The following GLCCI1 variants were observed in gnomAD, a reference collection of about 807,000 sequenced individuals.
GLCCI1 encodes the protein glucocorticoid-induced transcript 1 protein.
A neutral mutation model predicts 52.2 loss-of-function variants in GLCCI1; 24 were observed. That is an observed-to-expected ratio of 0.46 (90% CI 0.33 to 0.65). The LOEUF (loss-of-function observed/expected upper bound fraction) is 0.65, where lower values mean the gene tolerates loss of function less well. GLCCI1 is among the 30% of genes least tolerant of loss of function. The pLI is 0.02. For synonymous variants in GLCCI1, 310 were observed against 276.5 expected (o/e 1.12, Z -1.20); for missense variants, 704 against 701.5 (o/e 1.00, Z -0.04).
chr7:8,047,864 T>A (rs1782168139), intron 3 of GLCCI1, among the ~76,000 whole-genome samples: 1 of 152,240 alleles, frequency 6.6e-6, no homozygotes, highest in Non-Finnish European at 1.5e-5. Context: ...AGTGAGTAAA[T>A]GCTTTCTTAT....
intron 2 of GLCCI1, among the ~76,000 whole-genome samples, chr7:8,011,154 A>G (rs1041484341): frequency 2.6e-5 from 4 of 152,138 alleles, no homozygotes; most frequent in African/African-American, 9.7e-5. Context: ...ATTTACCATG[A>G]GTGAAAATGA....
chr7:8,003,069 T>G (rs940957640), intron 1 of GLCCI1, among the ~76,000 whole-genome samples: 2 of 152,244 alleles, frequency 1.3e-5, no homozygotes, highest in Non-Finnish European at 2.9e-5. Context: ...CATGTTATTT[T>G]TGTATAGCTC....
intron 6 of GLCCI1, 129 bp from the exon 7 acceptor site, chr7:8,084,768 T>A: frequency 1.2e-6 from 1 of 840,878 alleles, no homozygotes. Flanking sequence ...AGAAATAGCT[T>A]TGCAATAAAG....
chr7:7,979,399 C>T (rs915656303), intron 1 of GLCCI1, among the ~76,000 whole-genome samples: 24 of 142,722 alleles, frequency 1.7e-4, no homozygotes, highest in African/African-American at 5.6e-4. Context: ...GCTATTGTCA[C>T]TGAGTTTTAG....
chr7:8,005,649 A>C (rs1325831501), intron 2 of GLCCI1, among the ~76,000 whole-genome samples: 5 of 152,200 alleles, frequency 3.3e-5, no homozygotes, highest in Non-Finnish European at 7.4e-5. Context: ...GATAATACAA[A>C]CATACATATG....
intron 3 of GLCCI1, among the ~76,000 whole-genome samples, chr7:8,026,726 G>A (rs556594183): frequency 3.9e-5 from 6 of 152,240 alleles, no homozygotes; most frequent in Admixed American, 2.0e-4. Context: ...TGGAGGGAAC[G>A]TTTGGACCAA....
At chr7:8,018,773 C>G (rs368044326) in intron 2 of GLCCI1, among the ~76,000 whole-genome samples, 1 of 152,000 alleles carries the variant, frequency 6.6e-6, no homozygotes, top group Non-Finnish European at 1.5e-5. Context: ...ACAGAAGTTT[C>G]ATTTCTTTTA....
intron 3 of GLCCI1, among the ~76,000 whole-genome samples, chr7:8,040,243 A>G (rs1354652913): frequency 6.6e-6 from 1 of 152,036 alleles, no homozygotes; most frequent in Non-Finnish European, 1.5e-5. Flanking sequence ...CCCAGCACTT[A>G]GGGAGGCTGA....
intron 3 of GLCCI1, among the ~76,000 whole-genome samples, chr7:8,048,556 A>G (rs1159773930): frequency 2.6e-5 from 4 of 152,192 alleles, no homozygotes; most frequent in Non-Finnish European, 5.9e-5. Context: ...TATGGGGAAC[A>G]TACATGAGTC....
chr7:8,076,213 T>A (rs1388782891), intron 6 of GLCCI1, among the ~76,000 whole-genome samples: 3 of 152,134 alleles, frequency 2.0e-5, no homozygotes, highest in Non-Finnish European at 4.4e-5. Flanking sequence ...CTTTTGGGGG[T>A]TTATATTGTA....
intron 3 of GLCCI1, among the ~76,000 whole-genome samples, chr7:8,050,626 G>C (rs1782235647): frequency 6.6e-6 from 1 of 152,108 alleles, no homozygotes; most frequent in Non-Finnish European, 1.5e-5. Context: ...TTCAGTGATT[G>C]TTTTAGGGAA....
At chr7:8,050,108 A>G (rs983989087) in intron 3 of GLCCI1, among the ~76,000 whole-genome samples, 4 of 152,110 alleles carry the variant, frequency 2.6e-5, no homozygotes, top group African/African-American at 9.7e-5. Flanking sequence ...ATCTCTGTCT[A>G]TTCCGGGATC....
intron 4 of GLCCI1, among the ~76,000 whole-genome samples, chr7:8,057,347 A>C (rs1363932519): frequency 6.6e-6 from 1 of 152,198 alleles, no homozygotes; most frequent in Non-Finnish European, 1.5e-5. Context: ...GTATCCATGC[A>C]TCCATGCAAT....
chr7:7,991,452 A>G (rs1258357452), intron 1 of GLCCI1, among the ~76,000 whole-genome samples: 1 of 152,106 alleles, frequency 6.6e-6, no homozygotes, highest in Non-Finnish European at 1.5e-5. Context: ...GAGGAATTAT[A>G]GGCATACACC....
rs565708168 is a variant in GLCCI1, at chr7:8,053,476, C to T, written c.697-1957C>T. On this transcript the variant is annotated intron_variant, in intron 3 of 7. Coordinates refer to ENST00000223145, the MANE Select transcript of GLCCI1 (RefSeq NM_138426.4). The stretch of plus-strand genomic sequence containing the variant: ...TAGCTGGGATTACAGGCCCACACCA[C>T]CACGTCTGGCTAATTTTTGTATTTT... Among the ~76,000 whole-genome samples, 324 of 151,366 alleles carry T rather than the reference C, an allele frequency of 2.1e-3. 2 individuals carry two copies. The highest frequency in any genetic ancestry group is 7.4e-3 in the African/African-American group (307 of 41,268).
chr7:7,992,051 CT>C (rs1780848702), intron 1 of GLCCI1, among the ~76,000 whole-genome samples: 1 of 98,712 alleles, frequency 1.0e-5, no homozygotes, highest in African/African-American at 4.0e-5. Flanking sequence ...TTTTTTCTTT[CT>C]TTCTTTCTTT....
chr7:8,021,693 A>G (rs10281919), intron 2 of GLCCI1, among the ~76,000 whole-genome samples: 89,170 of 151,914 alleles, frequency 0.59, 26,359 homozygotes, highest in African/African-American at 0.66. Context: ...GTGAGCCACC[A>G]TGCTCAGCCT....
chr7:8,073,647 G>A (rs1782813536), intron 6 of GLCCI1, among the ~76,000 whole-genome samples: 1 of 152,112 alleles, frequency 6.6e-6, no homozygotes, highest in Non-Finnish European at 1.5e-5. Flanking sequence ...ATGAGATACA[G>A]CAAAATGCTT....
intron 6 of GLCCI1, among the ~76,000 whole-genome samples, chr7:8,073,011 C>T (rs1327528049): frequency 1.3e-5 from 2 of 152,100 alleles, no homozygotes; most frequent in African/African-American, 4.8e-5. Flanking sequence ...AGTGCATGTT[C>T]TTTAATATAT....
Sources: gnomAD v4.1 joint callset for allele counts (sites outside exome capture counted in the v4.1 genomes callset) on GRCh38, gnomAD v4.1.1 for gene constraint, MANE v1.5 for transcripts, NCBI Gene and HGNC (gene_info 2026-07-23, HGNC 2026-07-21) for gene names.